The following DPPA2 variants were observed in gnomAD, a reference collection of about 807,000 sequenced individuals.
The protein encoded by DPPA2 is developmental pluripotency associated 2, also known as developmental pluripotency-associated protein 2.
In DPPA2, 26 loss-of-function variants were observed where a neutral mutation model predicts 36.2. That is an observed-to-expected ratio of 0.72 (90% confidence interval 0.53 to 1.00). The LOEUF is 1.00. Among genes scored for constraint, DPPA2 ranks in the 50% least tolerant of loss-of-function variants. DPPA2 has a pLI of 0.00. For synonymous variants in DPPA2, 113 were observed against 123.2 expected (o/e 0.92, Z 0.55); for missense variants, 361 against 365.1 (o/e 0.99, Z 0.09).
chr3:109,314,894 A>T (rs1442426770), intron 1 of DPPA2, among the ~76,000 whole-genome samples: 1 of 152,008 alleles, frequency 6.6e-6, no homozygotes, highest in Non-Finnish European at 1.5e-5. Context: ...CGAGACCCCC[A>T]TTTCTACAAA....
In DPPA2 at chr3:109,300,359, C is replaced by T. The variant is rs761189016; in HGVS notation, c.*22+12G>A. The T allele has an allele frequency of 2.5e-6, 4 of 1,602,320 alleles. No homozygotes were observed. Among genetic ancestry groups the T allele is most frequent in the Non-Finnish European group, 3.4e-6 (4 of 1,170,178 alleles). ...AATACTTATTTTGAGGTGGCATATT[C>T]TCATCTCTTACATTGTATTCAAACA... On this transcript the variant is annotated intron_variant, in intron 8 of 8. Coordinates refer to ENST00000478945, the MANE Select transcript of DPPA2 (RefSeq NM_138815.4).
chr3:109,308,051 G>C lies in DPPA2; in HGVS notation c.639C>G (p.Ala213=), dbSNP rs757952984. The C allele has an allele frequency of 1.9e-6, 3 of 1,614,088 alleles. No homozygotes were observed. The highest frequency in any genetic ancestry group is 3.3e-5 in the Admixed American group (2 of 59,998). The change falls in exon 6 of 9, where the codon GCC becomes GCG. Residue 213 remains alanine, a synonymous_variant. Transcript: ENST00000478945. ...NSCSIPVSVE[A]FLMQASGVRW... is the part of the protein sequence containing the mutation. The stretch of plus-strand genomic sequence containing the variant: ...TCTTACCAGAGGCTTGCATCAAAAA[G>C]GCCTCAACAGAAACAGGAATGGAAC...
At chr3:109,305,439 T>G (rs1707539974) in intron 6 of DPPA2, among the ~76,000 whole-genome samples, 1 of 152,114 alleles carries the variant, frequency 6.6e-6, no homozygotes, top group African/African-American at 2.4e-5. Flanking sequence ...CACTACATTG[T>G]ACTGCCTCAG....
intron 6 of DPPA2, among the ~76,000 whole-genome samples, chr3:109,305,384 C>G (rs528257873): frequency 1.4e-4 from 22 of 152,250 alleles, no homozygotes; most frequent in African/African-American, 5.3e-4. Flanking sequence ...AGAGCCAAGT[C>G]ATGGATCCAG....
chr3:109,301,544 C>T (rs1328620542), intron 7 of DPPA2, among the ~76,000 whole-genome samples: 2 of 151,762 alleles, frequency 1.3e-5, no homozygotes, highest in Non-Finnish European at 2.9e-5. Context: ...CCCAGCTACT[C>T]CGGAGGCTGA....
At chr3:109,304,036 C>T (rs927142672) in intron 7 of DPPA2, among the ~76,000 whole-genome samples, 6 of 151,886 alleles carry the variant, frequency 4.0e-5, no homozygotes, top group Non-Finnish European at 7.4e-5. Flanking sequence ...CTTTGGGAGG[C>T]CGAGGCGGGC....
chr3:109,294,430 G>A (rs909121045), intron 8 of DPPA2, among the ~76,000 whole-genome samples: 3 of 152,260 alleles, frequency 2.0e-5, no homozygotes, highest in East Asian at 3.9e-4. Context: ...TCTATTCTCC[G>A]TGTAAGTTTG....
chr3:109,311,029 T>C (rs1483747385), intron 3 of DPPA2, among the ~76,000 whole-genome samples: 1 of 151,886 alleles, frequency 6.6e-6, no homozygotes, highest in African/African-American at 2.4e-5. Flanking sequence ...CTTGAACCCC[T>C]GGCCTCAAGT....
Position 109,304,481 on chromosome 3 carries a change from G to C in DPPA2, c.848C>G (p.Ala283Gly). The change falls in exon 7 of 9, where the codon GCT becomes GGT. Residue 283 changes from alanine (A) to glycine (G), a missense_variant. Ala to Gly is a moderately conservative substitution (Grantham distance 60). Coordinates refer to ENST00000478945, the MANE Select transcript of DPPA2 (RefSeq NM_138815.4). ...CAAGATACATAAGGGTTACCTCTTAGCACAGTCGGGGCATAACATATTATC... is the reference window on the plus strand; with the variant it reads ...CAAGATACATAAGGGTTACCTCTTACCACAGTCGGGGCATAACATATTATC... Reference protein sequence around the residue: ...IEDNMLCPDCAKRNKKMMKRL... With the variant: ...IEDNMLCPDCGKRNKKMMKRL... The C allele has an allele frequency of 6.2e-7, 1 of 1,611,062 alleles. No homozygotes were observed.
Position 109,304,273 on chromosome 3 carries a change from C to CA in DPPA2, c.854+201dup, listed in dbSNP as rs762555789. On this transcript the variant is annotated intron_variant, in intron 7 of 8. Coordinates refer to ENST00000478945, the MANE Select transcript of DPPA2 (RefSeq NM_138815.4). ...GGGCGAGAAGAGCAAAACTCCATCT[C>CA]AAAAAAAAAAAAGAACTAGCCACAT... is the stretch of plus-strand genomic sequence containing the variant. Among the ~76,000 whole-genome samples the CA allele has an allele frequency of 6.1e-3, 830 of 134,968 alleles. 10 individuals carry two copies. The highest frequency in any genetic ancestry group is 0.021 in the East Asian group (100 of 4,682). The allele number at this position is 134,968 out of a possible 152,430, so 88.5% of individuals were successfully genotyped here.
intron 7 of DPPA2, among the ~76,000 whole-genome samples, chr3:109,300,956 C>T (rs1222488131): frequency 6.6e-6 from 1 of 151,116 alleles, no homozygotes; most frequent in Non-Finnish European, 1.5e-5. Context: ...TCAGGGCTTA[C>T]ATTCCACATA....
chr3:109,312,780 T>G, intron 2 of DPPA2, 88 bp from the exon 3 acceptor site: 2 of 1,491,316 alleles, frequency 1.3e-6, no homozygotes, highest in Non-Finnish European at 1.8e-6. Flanking sequence ...AATAAGGAAC[T>G]GAGAAGACAG....
Position 109,311,482 on chromosome 3 carries a change from G to A in DPPA2, c.181+1063C>T, listed in dbSNP as rs943266762. The stretch of plus-strand genomic sequence containing the variant: ...GGGCCGGTCGCAGTGGCTCACGCCT[G>A]TAATCCCAGCACTTTGGGAGGCCAA... On this transcript the variant is annotated intron_variant, in intron 3 of 8. Coordinates refer to ENST00000478945, the MANE Select transcript of DPPA2 (RefSeq NM_138815.4). Among the ~76,000 whole-genome samples, 5 of 152,178 alleles carry A rather than the reference G, an allele frequency of 3.3e-5. No individual in the cohort carries two copies. The South Asian group carries it at 8.3e-4, about 25-fold the overall frequency.
chr3:109,299,129 A>G (rs1489020161), intron 8 of DPPA2, among the ~76,000 whole-genome samples: 1 of 150,444 alleles, frequency 6.6e-6, no homozygotes, highest in East Asian at 2.0e-4. Context: ...AGGCTGAGGC[A>G]GGTGGATCAC....
rs746292523 is a variant in DPPA2, at chr3:109,304,601, A to C, written c.728T>G (p.Phe243Cys). The C allele has an allele frequency of 1.2e-6, 2 of 1,614,076 alleles. No individual in the cohort carries two copies. The highest frequency in any genetic ancestry group is 4.5e-5 in the East Asian group (2 of 44,858). The change falls in exon 7 of 9, where the codon TTT becomes TGT. Residue 243 changes from phenylalanine to cysteine, a missense_variant. Transcript: ENST00000478945. ...AGGCACCCAGGCCTGACCTGCATGA[A>C]ACTGCAGGCGTACCCAACCCTTTGT... ...ADTKGWVRLQ[F>C]HAGQAWVPTT...
intron 7 of DPPA2, among the ~76,000 whole-genome samples, chr3:109,300,821 C>CAAA (rs767043097): frequency 2.4e-4 from 16 of 68,066 alleles, no homozygotes; most frequent in East Asian, 4.4e-4. Flanking sequence ...GACTCAGTCT[C>CAAA]AAAAAAAAAA....
chr3:109,300,448 T>C lies in DPPA2; in HGVS notation c.855-13A>G. 4 of 1,613,278 alleles carry C rather than the reference T, an allele frequency of 2.5e-6. No individual in the cohort carries two copies. The highest frequency in any genetic ancestry group is 3.4e-6 in the Non-Finnish European group (4 of 1,179,306). The stretch of plus-strand genomic sequence containing the variant: ...CATCTTCTTATTCCTGTAAGGCAAG[T>C]AGAAAAGAACTGTGAAATATTGCTA... On this transcript the variant is annotated splice_polypyrimidine_tract_variant and intron_variant, in intron 7 of 8. Transcript: ENST00000478945.
chr3:109,315,083 GA>G lies in DPPA2; in HGVS notation c.-13-529del, dbSNP rs112359255. On this transcript the variant is annotated intron_variant, in intron 1 of 8. Transcript: ENST00000478945. ...ACAAGTGAAAGAAGGAAAGAAAGAA[GA>G]AAAAAAAATAGGTGAAACTTGAAAG... Among the ~76,000 whole-genome samples the G allele has an allele frequency of 4.0e-4, 60 of 149,222 alleles. 1 individual carries two copies. In the South Asian group the frequency reaches 0.011, roughly 28 times the overall value.
At chr3:109,305,690 C>T (rs889379524) in intron 6 of DPPA2, among the ~76,000 whole-genome samples, 2 of 151,682 alleles carry the variant, frequency 1.3e-5, no homozygotes, top group Admixed American at 1.3e-4. Context: ...AGGAGAATCG[C>T]CTGAACCTGG....
Sources: allele counts gnomAD v4.1 joint callset (sites outside exome capture counted in the v4.1 genomes callset), GRCh38; gene constraint gnomAD v4.1.1; transcripts MANE v1.5; gene names NCBI Gene and HGNC (gene_info 2026-07-23, HGNC 2026-07-21).